Variants in CREB5 observed in about 807,000 individuals in gnomAD.
CREB5 encodes the protein cAMP responsive element binding protein 5, also known as cyclic AMP-responsive element-binding protein 5.
CREB5 carries 19 observed loss-of-function variants against 57.1 expected under a neutral mutation model. The ratio of observed to expected loss-of-function variants is 0.33; its 90% CI spans 0.23 to 0.49. The LOEUF is 0.49. Among genes scored for constraint, CREB5 ranks in the 20% least tolerant of loss-of-function variants. The probability of loss-of-function intolerance (pLI) is 0.99; values close to 1 mark genes in which losing one functional copy is unlikely to be tolerated. For missense variants in CREB5, 579 were observed against 671.6 expected, an observed-to-expected ratio of 0.86 and a Z score of 1.52; for synonymous variants, 238 against 238.3, an observed-to-expected ratio of 1.00 and a Z score of 0.01.
chr7:28,758,948 AAC>A (rs1379307248), intron 7 of CREB5, among the ~76,000 whole-genome samples: 11 of 152,212 alleles, frequency 7.2e-5, no homozygotes, highest in Admixed American at 4.6e-4. Flanking sequence ...ATTAATGAAA[AAC>A]ACACAGTCAG....
Position 28,820,419 on chromosome 7 carries a change from T to TA in CREB5, c.*1140_*1141insA, listed in dbSNP as rs1809696126. 1 of 151,958 alleles carries TA rather than the reference T, an allele frequency of 6.6e-6. No individual in the cohort carries two copies. Among genetic ancestry groups the TA allele is most frequent in the Non-Finnish European group, 1.5e-5 (1 of 67,872 alleles). The allele number at this position is 151,958 out of a possible 1,614,324, so 9.4% of individuals were successfully genotyped here. A position where few individuals can be genotyped will look rare whatever the true frequency, so the allele number is the denominator to read the frequency against. On this transcript the variant is annotated 3_prime_UTR_variant, in exon 11 of 11. Transcript: ENST00000357727. Reference sequence around the variant, plus strand: ...CTGCTAATAGCCTAAGATTTATTTTTTTTTTTTTCTTAAGCCTATGGAACC... The same window carrying TA: ...CTGCTAATAGCCTAAGATTTATTTTTATTTTTTTTCTTAAGCCTATGGAACC...
chr7:28,750,069 T>C (rs761710717), intron 7 of CREB5, among the ~76,000 whole-genome samples: 2 of 152,222 alleles, frequency 1.3e-5, no homozygotes, highest in Non-Finnish European at 2.9e-5. Flanking sequence ...GTCACAGCAA[T>C]AGACAACATT....
At chr7:28,721,146 C>T (rs140458829) in intron 6 of CREB5, among the ~76,000 whole-genome samples, 7 of 152,200 alleles carry the variant, frequency 4.6e-5, no homozygotes, top group African/African-American at 7.2e-5. Flanking sequence ...TTTTGTCCCC[C>T]GGGGGATATG....
At chr7:28,362,357 G>T (rs1488996632) in intron 1 of CREB5, among the ~76,000 whole-genome samples, 2 of 151,980 alleles carry the variant, frequency 1.3e-5, no homozygotes, top group Non-Finnish European at 2.9e-5. Flanking sequence ...GTTAGAAAAA[G>T]AAAAATCTGA....
chr7:28,521,662 C>A (rs754881868), intron 4 of CREB5, among the ~76,000 whole-genome samples: 6 of 152,170 alleles, frequency 3.9e-5, no homozygotes, highest in African/African-American at 1.4e-4. Context: ...CTCTTACTAA[C>A]CTTCTACAGG....
At chr7:28,331,587 C>T (rs1176140948) in intron 1 of CREB5, among the ~76,000 whole-genome samples, 1 of 152,090 alleles carries the variant, frequency 6.6e-6, no homozygotes, top group Non-Finnish European at 1.5e-5. Context: ...ACACTTTGCA[C>T]ATGCTTTTAG....
At chr7:28,743,407 C>T (rs559712616) in intron 7 of CREB5, among the ~76,000 whole-genome samples, 4 of 152,156 alleles carry the variant, frequency 2.6e-5, no homozygotes, top group African/African-American at 9.6e-5. Flanking sequence ...GTGGTGTGCA[C>T]CTGTAGTCCC....
chr7:28,449,485 G>A (rs1477088919), intron 1 of CREB5, among the ~76,000 whole-genome samples: 1 of 152,134 alleles, frequency 6.6e-6, no homozygotes, highest in Non-Finnish European at 1.5e-5. Flanking sequence ...GCTCTCTTAG[G>A]ATCCTTTTCT....
At chr7:28,717,052 T>C (rs1189085301) in intron 5 of CREB5, among the ~76,000 whole-genome samples, 4 of 151,858 alleles carry the variant, frequency 2.6e-5, no homozygotes, top group South Asian at 4.2e-4. Context: ...AATTAGTGTA[T>C]ATCTGCATAA....
At chr7:28,798,593 G>A (rs1301056873) in intron 7 of CREB5, among the ~76,000 whole-genome samples, 5 of 152,334 alleles carry the variant, frequency 3.3e-5, no homozygotes, top group African/African-American at 9.6e-5. Flanking sequence ...CCAAGAACCC[G>A]GCAGCAGGCC....
upstream of CREB5, chr7:28,410,006 C>A: frequency 2.2e-6 from 1 of 453,080 alleles, no homozygotes; most frequent in Non-Finnish European, 4.4e-6. Context: ...GGCGGAACCC[C>A]CGGAGAAAGT....
intron 1 of CREB5, among the ~76,000 whole-genome samples, chr7:28,384,863 G>A (rs1177787687): frequency 6.6e-6 from 1 of 152,018 alleles, no homozygotes; most frequent in Non-Finnish European, 1.5e-5. Context: ...ATTTAAATTG[G>A]TAAATGTTTC....
At chr7:28,338,665 T>A (rs1337247705) in intron 1 of CREB5, among the ~76,000 whole-genome samples, 1 of 152,172 alleles carries the variant, frequency 6.6e-6, no homozygotes, top group South Asian at 2.1e-4. Flanking sequence ...CATCTCTCCC[T>A]AGGTTTAGGA....
intron 1 of CREB5, among the ~76,000 whole-genome samples, chr7:28,320,783 C>T (rs1485985662): frequency 1.3e-5 from 2 of 152,196 alleles, no homozygotes; most frequent in African/African-American, 4.8e-5. Flanking sequence ...CTGTGGATTA[C>T]CAAAGCAGAA....
At chr7:28,326,375 C>A (rs985231723) in intron 1 of CREB5, among the ~76,000 whole-genome samples, 3 of 152,092 alleles carry the variant, frequency 2.0e-5, no homozygotes, top group African/African-American at 7.2e-5. Context: ...TTGCTAAGTC[C>A]CTCCATATGT....
chr7:28,626,835 C>A (rs564892052), intron 5 of CREB5, among the ~76,000 whole-genome samples: 5 of 152,196 alleles, frequency 3.3e-5, no homozygotes, highest in Admixed American at 1.3e-4. Context: ...GGGAGCCTAC[C>A]GGGGGCCCTT....
intron 5 of CREB5, among the ~76,000 whole-genome samples, chr7:28,714,839 C>T (rs1802589649): frequency 6.6e-6 from 1 of 152,226 alleles, no homozygotes; most frequent in African/African-American, 2.4e-5. Flanking sequence ...TTACCTTGTT[C>T]CATGCCTCAA....
chr7:28,403,125 C>A lies in CREB5; in HGVS notation c.-24-91781C>A, dbSNP rs150038700. On this transcript the variant is annotated intron_variant, in intron 1 of 9. Transcript: ENST00000396299. Reference sequence around the variant, plus strand: ...GAAGGGTAAAGTGTGATGGCTTCAACTAGAACATCAGCTTGTATAAAATTG... The same window carrying A: ...GAAGGGTAAAGTGTGATGGCTTCAAATAGAACATCAGCTTGTATAAAATTG... 3.3e-3 allele frequency among the ~76,000 whole-genome samples: 498 copies of A among 152,282 alleles called. 8 individuals carry two copies. The highest frequency in any genetic ancestry group is 0.021 in the South Asian group (102 of 4,824).
At chr7:28,625,655 GA>G (rs1000924455) in intron 5 of CREB5, among the ~76,000 whole-genome samples, 2 of 152,112 alleles carry the variant, frequency 1.3e-5, no homozygotes, top group Non-Finnish European at 2.9e-5. Flanking sequence ...ATCCACAGGG[GA>G]AAAAAGTTAT....
Sources: gnomAD v4.1 joint callset for allele counts (sites outside exome capture counted in the v4.1 genomes callset) on GRCh38, gnomAD v4.1.1 for gene constraint, MANE v1.5 for transcripts, NCBI Gene and HGNC (gene_info 2026-07-23, HGNC 2026-07-21) for gene names.